Variants in SPDEF observed in about 807,000 individuals in gnomAD.
The protein encoded by SPDEF is SAM pointed domain containing ETS transcription factor, also known as SAM pointed domain-containing Ets transcription factor.
A neutral mutation model predicts 36.0 loss-of-function variants in SPDEF; 12 were observed. That is an observed-to-expected ratio of 0.33 (90% confidence interval 0.21 to 0.54). The LOEUF (loss-of-function observed/expected upper bound fraction) is 0.54. Among genes scored for constraint, SPDEF ranks in the 20% least tolerant of loss-of-function variants. The pLI is 0.93. For missense variants in SPDEF, 388 were observed against 456.9 expected, an observed-to-expected ratio of 0.85 and a Z score of 1.37; for synonymous variants, 205 against 193.0, an observed-to-expected ratio of 1.06 and a Z score of -0.51.
intron 1 of SPDEF, among the ~76,000 whole-genome samples, chr6:34,547,342 T>A (rs1192843326): frequency 1.3e-5 from 2 of 152,040 alleles, no homozygotes; most frequent in Non-Finnish European, 2.9e-5. Context: ...AGCCCTCACA[T>A]CCATCCCCTT....
At position 34,538,248 on chromosome 6, in the gene SPDEF, C is replaced by T. The variant is rs376171763; in HGVS notation, c.*26G>A. On this transcript the variant is annotated 3_prime_UTR_variant, in exon 6 of 6. Transcript: ENST00000374037. This position sits in a 1 kb window ranked among gnomAD's most constrained non-coding sequence, Gnocchi z 5.9. Reference sequence around the variant, plus strand: ...CAGGCAGGAGAGAGGCCCCTGAGGGCGGGTTTCAGGCCCTGGGCCAGGCAC... The same window carrying T: ...CAGGCAGGAGAGAGGCCCCTGAGGGTGGGTTTCAGGCCCTGGGCCAGGCAC... 48 of 1,602,374 alleles carry T rather than the reference C, an allele frequency of 3.0e-5. No homozygotes were observed. In the African/African-American group the frequency reaches 3.1e-4, roughly 10 times the overall value.
At chr6:34,548,620 G>T (rs1461138859) in intron 1 of SPDEF, among the ~76,000 whole-genome samples, 1 of 152,206 alleles carries the variant, frequency 6.6e-6, no homozygotes, top group Non-Finnish European at 1.5e-5. Flanking sequence ...CTTATTAGCA[G>T]CAGGGTCCGG....
chr6:34,544,274 G>A lies in SPDEF; in HGVS notation c.182C>T (p.Ser61Phe), dbSNP rs1454913652. The A allele has an allele frequency of 1.2e-6, 2 of 1,613,502 alleles. No homozygotes were observed. The highest frequency in any genetic ancestry group is 1.7e-6 in the Non-Finnish European group (2 of 1,179,954). The part of the protein sequence containing the change: ...PEQGLSAFYL[S>F]YFDMLYPEDS... Reference sequence around the variant, plus strand: ...CTCAGGGTACAGCATGTCAAAGTAGGAGAGGTAGAAGGCGGACAGGCCCTG... The same window carrying A: ...CTCAGGGTACAGCATGTCAAAGTAGAAGAGGTAGAAGGCGGACAGGCCCTG... Residue 61 changes from serine (S) to phenylalanine (F), a missense_variant, in exon 2 of 6, where the codon TCC becomes TTC. Transcript: ENST00000374037. The surrounding 1 kb of genome is among the most constrained non-coding windows in gnomAD (Gnocchi z 4.4).
intron 2 of SPDEF, among the ~76,000 whole-genome samples, chr6:34,541,624 C>T (rs78449226): frequency 0.055 from 8,325 of 152,308 alleles, 571 homozygotes; most frequent in African/African-American, 0.16. Flanking sequence ...TCTTAGAACC[C>T]CACCATTCTC....
intron 1 of SPDEF, among the ~76,000 whole-genome samples, chr6:34,554,858 A>T (rs1768132290): frequency 2.0e-5 from 3 of 152,218 alleles, no homozygotes; most frequent in African/African-American, 7.2e-5. Flanking sequence ...GGTGATGGGG[A>T]GATGCAGCTT....
chr6:34,541,865 C>T (rs958234424), intron 2 of SPDEF, among the ~76,000 whole-genome samples: 9 of 150,796 alleles, frequency 6.0e-5, no homozygotes, highest in Non-Finnish European at 8.8e-5. Flanking sequence ...TGGGGTGAGC[C>T]TCATAGGCCT....
At chr6:34,547,563 C>T (rs1470434759) in intron 1 of SPDEF, among the ~76,000 whole-genome samples, 1 of 152,038 alleles carries the variant, frequency 6.6e-6, no homozygotes, top group Non-Finnish European at 1.5e-5. Context: ...GACATGGTCT[C>T]ACTATGTTGC....
Position 34,544,349 on chromosome 6 carries a change from A to G in SPDEF, c.107T>C (p.Val36Ala). 5.0e-6 allele frequency: 8 copies of G among 1,604,766 alleles called. No homozygotes were observed. Among genetic ancestry groups the G allele is most frequent in the Non-Finnish European group, 6.8e-6 (8 of 1,177,630 alleles). ...TGLEKAAAGA[V>A]GLERRDWSPS... is the part of the protein sequence containing the mutation. Reference sequence around the variant, plus strand: ...ACTCCAGTCCCGTCTCTCGAGACCCACTGCCCCCGCTGCCGCCTTCTCCAA... The same window carrying G: ...ACTCCAGTCCCGTCTCTCGAGACCCGCTGCCCCCGCTGCCGCCTTCTCCAA... Residue 36 changes from valine to alanine, a missense_variant, in exon 2 of 6, where the codon GTG becomes GCG. Coordinates refer to ENST00000374037, the MANE Select transcript of SPDEF (RefSeq NM_012391.3). This position sits in a 1 kb window ranked among gnomAD's most constrained non-coding sequence, Gnocchi z 4.4.
Position 34,555,707 on chromosome 6 carries a change from C to A in SPDEF, c.-30+222G>T, listed in dbSNP as rs1183595621. Among the ~76,000 whole-genome samples the A allele has an allele frequency of 1.3e-5, 2 of 152,102 alleles. No homozygotes were observed. Among genetic ancestry groups the A allele is most frequent in the African/African-American group, 4.8e-5 (2 of 41,402 alleles). ...GGCCTTGCCGGGCAAGGGGGCTCAC[C>A]CAGCATGTAGAGTTGGCCCAGAGAG... is the stretch of plus-strand genomic sequence containing the variant. On this transcript the variant is annotated intron_variant, in intron 1 of 5. Coordinates refer to ENST00000374037, the MANE Select transcript of SPDEF (RefSeq NM_012391.3). This position sits in a 1 kb window ranked among gnomAD's most constrained non-coding sequence, Gnocchi z 5.2.
intron 2 of SPDEF, among the ~76,000 whole-genome samples, 159 bp from the exon 3 acceptor site, chr6:34,541,340 A>T (rs1767818955): frequency 6.6e-6 from 1 of 152,098 alleles, no homozygotes; most frequent in Non-Finnish European, 1.5e-5. Flanking sequence ...GGAAGTGGGT[A>T]CCCAAGAAGA....
chr6:34,546,937 G>T (rs985324843), intron 1 of SPDEF, among the ~76,000 whole-genome samples: 3 of 151,956 alleles, frequency 2.0e-5, no homozygotes, highest in African/African-American at 7.3e-5. Flanking sequence ...CTGCCCCTGG[G>T]CCCCACCCTG....
Position 34,538,251 on chromosome 6 carries a change from G to A in SPDEF, c.*23C>T, listed in dbSNP as rs1192477401. The A allele has an allele frequency of 4.4e-6, 7 of 1,606,744 alleles. No homozygotes were observed. The highest frequency in any genetic ancestry group is 6.0e-6 in the Non-Finnish European group (7 of 1,174,936). On this transcript the variant is annotated 3_prime_UTR_variant, in exon 6 of 6. Transcript: ENST00000374037. The surrounding 1 kb of genome is among the most constrained non-coding windows in gnomAD (Gnocchi z 5.9). Reference sequence around the variant, plus strand: ...GCAGGAGAGAGGCCCCTGAGGGCGGGTTTCAGGCCCTGGGCCAGGCACTCA... The same window carrying A: ...GCAGGAGAGAGGCCCCTGAGGGCGGATTTCAGGCCCTGGGCCAGGCACTCA...
rs1322464819 is a variant in SPDEF at position 34,544,632 on chromosome 6, A to G, written c.-29-148T>C. 1.1e-5 allele frequency: 7 copies of G among 617,850 alleles called. No homozygotes were observed. Among genetic ancestry groups the G allele is most frequent in the African/African-American group, 7.4e-5 (4 of 53,852 alleles). 38.3% of individuals were successfully genotyped at this position (617,850 alleles called of 1,614,324 possible). ...TTCCGGGTCATTGGGCAGCCACGAC[A>G]TGGTTGGGCAGACAGGCCTTCTGGC... On this transcript the variant is annotated intron_variant, in intron 1 of 5. Transcript: ENST00000374037. This position sits in a 1 kb window ranked among gnomAD's most constrained non-coding sequence, Gnocchi z 4.4.
chr6:34,540,362 A>T (rs1767790450), intron 3 of SPDEF, among the ~76,000 whole-genome samples: 3 of 151,926 alleles, frequency 2.0e-5, no homozygotes, highest in African/African-American at 7.3e-5. Context: ...AATACCCAAG[A>T]CATACTGTGG....
chr6:34,542,195 G>A (rs377295100), intron 2 of SPDEF, among the ~76,000 whole-genome samples: 26 of 152,324 alleles, frequency 1.7e-4, no homozygotes, highest in African/African-American at 6.3e-4. Flanking sequence ...TTGGGGGCAG[G>A]GGCCGGGCCT....
At position 34,539,249 on chromosome 6, in the gene SPDEF, C is replaced by T; in HGVS notation, c.829+1G>A. 6.2e-7 allele frequency: 1 copy of T among 1,613,696 alleles called. No individual in the cohort carries two copies. The highest frequency in any genetic ancestry group is 8.5e-7 in the Non-Finnish European group (1 of 1,179,952). On this transcript the variant is annotated splice_donor_variant, in intron 5 of 5. Transcript: ENST00000374037. LOFTEE classifies it high-confidence loss of function. The surrounding 1 kb of genome is among the most constrained non-coding windows in gnomAD (Gnocchi z 5.2). ...CAGCGCCCCTTGGGCACCCTGCTCA[C>T]CCTTCTCCTTGTTGAGCCACCTAAT...
rs577172662 is a variant in SPDEF, at chr6:34,538,541, G to A, written c.830-89C>T. On this transcript the variant is annotated intron_variant, in intron 5 of 5. Coordinates refer to ENST00000374037, the MANE Select transcript of SPDEF (RefSeq NM_012391.3). This position sits in a 1 kb window ranked among gnomAD's most constrained non-coding sequence, Gnocchi z 5.9. The stretch of plus-strand genomic sequence containing the variant: ...CAGACCACCAGGTCAGCCTCGTGGC[G>A]AACCAAGGGACCCCGTGCAGAGGCC... The A allele has an allele frequency of 8.4e-4, 1,149 of 1,370,634 alleles. 9 individuals are homozygous for A. The South Asian group carries it at 8.6e-3, about 10-fold the overall frequency. The allele number at this position is 1,370,634 out of a possible 1,614,324, so 84.9% of individuals were successfully genotyped here.
chr6:34,539,007 C>T lies in SPDEF; in HGVS notation c.829+243G>A, dbSNP rs531218863. 8.0e-4 allele frequency among the ~76,000 whole-genome samples: 121 copies of T among 152,164 alleles called. No homozygotes were observed. Among genetic ancestry groups the T allele is most frequent in the Non-Finnish European group, 1.5e-3 (100 of 68,034 alleles). ...GGGAGAGTGGATTTGGAGCTCGTTC[C>T]AGGTGCTGTGCAGTACTAAAACTCC... On this transcript the variant is annotated intron_variant, in intron 5 of 5. Transcript: ENST00000374037. This position sits in a 1 kb window ranked among gnomAD's most constrained non-coding sequence, Gnocchi z 5.2.
At chr6:34,545,927 AAC>A (rs1487098705) in intron 1 of SPDEF, among the ~76,000 whole-genome samples, 1 of 151,914 alleles carries the variant, frequency 6.6e-6, no homozygotes, top group African/African-American at 2.4e-5. Flanking sequence ...AAAAAAACAA[AAC>A]ACACGCACAC....
Sources: gnomAD v4.1 joint callset for allele counts (sites outside exome capture counted in the v4.1 genomes callset) on GRCh38, gnomAD v4.1.1 for gene constraint, Gnocchi (gnomAD v3.1) non-coding constraint, MANE v1.5 for transcripts, NCBI Gene and HGNC (gene_info 2026-07-23, HGNC 2026-07-21) for gene names.